Variants in OOEP observed in about 807,000 individuals in gnomAD.
The protein encoded by OOEP is oocyte-expressed protein homolog.
Under a neutral mutation model 13.7 loss-of-function variants are expected in OOEP, and 16 were observed. The observed-to-expected ratio is 1.16, with a 90% CI of 0.79 to 1.77. The LOEUF is 1.77. Among genes scored for constraint, OOEP ranks in the 40% most tolerant of loss-of-function variants. The pLI is 0.00. For missense variants in OOEP, 195 were observed against 193.1 expected, an observed-to-expected ratio of 1.01 and a Z score of -0.06; for synonymous variants, 89 against 77.1, an observed-to-expected ratio of 1.15 and a Z score of -0.81.
chr6:73,381,205 TAAAAAAAAAAAAAA>T (rs66507015), intron 2 of OOEP, among the ~76,000 whole-genome samples: 4 of 100,998 alleles, frequency 4.0e-5, no homozygotes, highest in Non-Finnish European at 7.5e-5. Context: ...AAAAAAGTGT[TAAAAAAAAAAAAAA>T]AAAAAAAAAG....
intron 2 of OOEP, among the ~76,000 whole-genome samples, chr6:73,393,669 T>C (rs1324338693): frequency 6.6e-6 from 1 of 152,130 alleles, no homozygotes. Context: ...TACAAAATAA[T>C]TAGCCTGGCA....
intron 1 of OOEP, chr6:73,394,561 G>T (rs950574498): frequency 2.9e-5 from 16 of 546,024 alleles, no homozygotes; most frequent in Non-Finnish European, 3.2e-6. Context: ...TCCAGTAGGG[G>T]AGGGAGCAAA....
rs1769003451 is a variant in OOEP, at chr6:73,369,217, T to C, written c.359A>G (p.His120Arg). 2 of 1,611,274 alleles carry C rather than the reference T, an allele frequency of 1.2e-6. No homozygotes were observed. The highest frequency in any genetic ancestry group is 1.1e-5 in the South Asian group (1 of 90,912). Residue 120 changes from histidine to arginine, a missense_variant, in exon 2 of 3, where the codon CAT (histidine) becomes CGT (arginine). Physicochemically the swap from His to Arg is conservative, Grantham distance 29. Transcript: ENST00000370359. ...LLCLAWFHRE[H>R]RARAEKMKHL... ...TCAAAGACCCTCACCTCGGGCACGA[T>C]GTTCTCGGTGAAACCATGCCAGGCA... is the stretch of plus-strand genomic sequence containing the variant.
Position 73,369,333 on chromosome 6 carries a change from C to T in OOEP, c.243G>A (p.Leu81=), listed in dbSNP as rs1488064884. 1.9e-6 allele frequency: 3 copies of T among 1,613,848 alleles called. No homozygotes were observed. Among genetic ancestry groups the T allele is most frequent in the Non-Finnish European group, 8.5e-7 (1 of 1,179,850 alleles). The change falls in exon 2 of 3, where the codon CTG becomes CTA. Residue 81 remains leucine (L), a synonymous_variant. Transcript: ENST00000370359. ...TCCCTGAGTCCACTATGTCCACTGT[C>T]AGCAGGGCCTGGCTCGTCCACTCCA... ...PEMEWTSQAL[L]TVDIVDSGNL...
At chr6:73,373,824 G>C (rs2150779630), upstream of OOEP, among the ~76,000 whole-genome samples, 1 of 152,106 alleles carries the variant, frequency 6.6e-6, no homozygotes, top group Middle Eastern at 3.4e-3. Flanking sequence ...CCTGACCTCA[G>C]GTGATCTACC....
chr6:73,394,807 C>A, exon 1 of OOEP: 1 of 1,525,582 alleles, frequency 6.6e-7, no homozygotes, highest in Non-Finnish European at 8.8e-7. Context: ...CCTTAAGTAG[C>A]GGCTGCGTGG....
At chr6:73,394,827 CACGCTACTCTTACGACGT>C in exon 1 of OOEP, 5 of 1,555,528 alleles carry the variant, frequency 3.2e-6, no homozygotes, top group Non-Finnish European at 4.3e-6. Flanking sequence ...GCTTCCCTGG[CACGCTACTCTTACGACGT>C]CACGGTCAGG....
chr6:73,376,473 T>TTTTTTTTA (rs1769141046), intron 2 of OOEP, among the ~76,000 whole-genome samples: 1 of 148,924 alleles, frequency 6.7e-6, no homozygotes, highest in South Asian at 2.1e-4. Flanking sequence ...CGAAACATGA[T>TTTTTTTTA]TTTATTTATT....
intron 2 of OOEP, among the ~76,000 whole-genome samples, chr6:73,380,183 C>T (rs909233922): frequency 3.3e-5 from 5 of 151,378 alleles, no homozygotes; most frequent in Non-Finnish European, 7.4e-5. Context: ...CCACCAATCT[C>T]ATCAGAAAAA....
intron 2 of OOEP, among the ~76,000 whole-genome samples, chr6:73,386,873 C>T (rs964761315): frequency 6.8e-6 from 1 of 146,154 alleles, no homozygotes; most frequent in African/African-American, 2.5e-5. Flanking sequence ...GATGCTGAGG[C>T]AGGAGAATCA....
In OOEP at chr6:73,369,295, A is replaced by T; in HGVS notation, c.281T>A (p.Ile94Asn). The change falls in exon 2 of 3, where the codon ATC becomes AAC. Residue 94 changes from isoleucine to asparagine, a missense_variant. Transcript: ENST00000370359. ...DIVDSGNLVE[I>N]TVFGRPRVQN... ...TACACGGGGCCGCCCGAAAACGGTG[A>T]TTTCGACTAGGTTCCCTGAGTCCAC... The T allele has an allele frequency of 6.2e-7, 1 of 1,613,852 alleles. No individual in the cohort carries two copies. The highest frequency in any genetic ancestry group is 8.5e-7 in the Non-Finnish European group (1 of 1,179,836).
At chr6:73,374,762 C>A (rs992862956), upstream of OOEP, among the ~76,000 whole-genome samples, 6 of 151,902 alleles carry the variant, frequency 3.9e-5, no homozygotes, top group Admixed American at 1.3e-4. Flanking sequence ...GTCTCCTAAT[C>A]GTTGTTTTGA....
At position 73,369,838 on chromosome 6, in the gene OOEP, G is replaced by A. The variant is rs1363266610; in HGVS notation, c.-46C>T. The A allele has an allele frequency of 1.9e-6, 3 of 1,561,512 alleles. No individual in the cohort carries two copies. In the African/African-American group the frequency reaches 4.1e-5, roughly 21 times the overall value. ...AGCGCGCTCGAGGCGGCTTTCGCAA[G>A]ACCTCTTCCAGACCCAGGCGCGAAG... is the stretch of plus-strand genomic sequence containing the variant. On this transcript the variant is annotated 5_prime_UTR_variant, in exon 1 of 3. Coordinates refer to ENST00000370359, the MANE Select transcript of OOEP (RefSeq NM_001080507.3).
chr6:73,375,790 C>A (rs1769130580), intron 2 of OOEP, among the ~76,000 whole-genome samples: 1 of 106,310 alleles, frequency 9.4e-6, no homozygotes, highest in Non-Finnish European at 1.8e-5. Context: ...TAATGATCTC[C>A]CTTTTTTTTT....
chr6:73,369,742 C>T lies in OOEP; in HGVS notation c.51G>A (p.Pro17=), dbSNP rs375221508. Residue 17 remains proline, a synonymous_variant, in exon 1 of 3, where the codon CCG becomes CCA. Coordinates refer to ENST00000370359, the MANE Select transcript of OOEP (RefSeq NM_001080507.3). ...TACGCAGCTGCTCCAGGGAGTGGGCCGGAGTCTGTTTGCCCCGCTGGGACT... is the reference window on the plus strand; with the variant it reads ...TACGCAGCTGCTCCAGGGAGTGGGCTGGAGTCTGTTTGCCCCGCTGGGACT... ...AAESQRGKQT[P]AHSLEQLRRL... The T allele has an allele frequency of 3.7e-6, 6 of 1,613,900 alleles. No individual in the cohort carries two copies. The African/African-American group carries it at 8.0e-5, about 22-fold the overall frequency.
chr6:73,382,847 TAAC>T (rs1769227873), intron 2 of OOEP, among the ~76,000 whole-genome samples: 1 of 130,640 alleles, frequency 7.7e-6, no homozygotes, highest in Admixed American at 8.9e-5. Context: ...CAGTGGTTTT[TAAC>T]TTTTTTTTTT....
intron 2 of OOEP, among the ~76,000 whole-genome samples, chr6:73,382,214 ATTT>A (rs70994196): frequency 3.1e-5 from 3 of 98,080 alleles, no homozygotes. Context: ...CACCTGGCTA[ATTT>A]TTTTTTTTTT....
chr6:73,386,343 C>T (rs1162499826), intron 2 of OOEP, among the ~76,000 whole-genome samples: 1 of 152,026 alleles, frequency 6.6e-6, no homozygotes, highest in African/African-American at 2.4e-5. Context: ...ATCTGCCTGC[C>T]TTGGCCTCCC....
chr6:73,369,426 C>T (rs2150778210), intron 1 of OOEP, 41 bp from the exon 2 acceptor site: 1 of 1,580,290 alleles, frequency 6.3e-7, no homozygotes, highest in Non-Finnish European at 8.6e-7. Flanking sequence ...TGCACGGTGG[C>T]AGGTTAGAAG....
Sources: allele counts gnomAD v4.1 joint callset (sites outside exome capture counted in the v4.1 genomes callset), GRCh38; gene constraint gnomAD v4.1.1; transcripts MANE v1.5; gene names NCBI Gene and HGNC (gene_info 2026-07-23, HGNC 2026-07-21).